The following SLC44A5 variants were observed in gnomAD, a reference collection of about 807,000 sequenced individuals.
The protein encoded by SLC44A5 is choline transporter-like protein 5.
In SLC44A5, 57 loss-of-function variants were observed where a neutral mutation model predicts 101.8. The ratio of observed to expected loss-of-function variants is 0.56; its 90% CI spans 0.45 to 0.70. The LOEUF (loss-of-function observed/expected upper bound fraction) is 0.70, where lower values mean the gene tolerates loss of function less well. Among genes scored for constraint, SLC44A5 ranks in the 30% least tolerant of loss-of-function variants. SLC44A5 has a pLI of 0.00. For synonymous variants in SLC44A5, 281 were observed against 290.9 expected, an observed-to-expected ratio of 0.97 and a Z score of 0.35; for missense variants, 737 against 853.1, an observed-to-expected ratio of 0.86 and a Z score of 1.70.
At chr1:75,706,061 A>T in the SLC44A5 span, among the ~76,000 whole-genome samples, 10 of 152,080 alleles carry the variant, frequency 6.6e-5, no homozygotes, top group African/African-American at 2.4e-4. Context: ...CTTGTACTTT[A>T]TTCAGGTTTA....
intron 2 of SLC44A5, among the ~76,000 whole-genome samples, chr1:75,414,937 T>C (rs1663540447): frequency 6.6e-6 from 1 of 152,060 alleles, no homozygotes; most frequent in African/African-American, 2.4e-5. Context: ...CATTGAAGAG[T>C]TCTAAGCATG....
chr1:75,676,407 A>G, the SLC44A5 span, among the ~76,000 whole-genome samples: 2 of 152,224 alleles, frequency 1.3e-5, no homozygotes, highest in African/African-American at 2.4e-5. Context: ...TTGCAGTGAC[A>G]TGGATGGAGC....
At chr1:75,388,595 G>A (rs956508811) in intron 3 of SLC44A5, among the ~76,000 whole-genome samples, 2 of 151,738 alleles carry the variant, frequency 1.3e-5, no homozygotes, top group Non-Finnish European at 2.9e-5. Context: ...CCTGGCTAAC[G>A]TGGTGAAACC....
intron 2 of SLC44A5, among the ~76,000 whole-genome samples, chr1:75,445,938 C>T (rs1665548386): frequency 6.6e-6 from 1 of 152,174 alleles, no homozygotes; most frequent in Admixed American, 6.6e-5. Flanking sequence ...ACTTAGCTTT[C>T]CCCTTGATTT....
At chr1:75,678,887 C>T in the SLC44A5 span, among the ~76,000 whole-genome samples, 1 of 152,060 alleles carries the variant, frequency 6.6e-6, no homozygotes, top group African/African-American at 2.4e-5. Flanking sequence ...GAATGTATAA[C>T]TAGAATAATC....
chr1:75,720,028 C>G, the SLC44A5 span, among the ~76,000 whole-genome samples: 1 of 152,326 alleles, frequency 6.6e-6, no homozygotes, highest in Non-Finnish European at 1.5e-5. Context: ...TCCCCTCTCT[C>G]TATTGTTTCT....
the SLC44A5 span, among the ~76,000 whole-genome samples, chr1:75,712,074 C>A: frequency 7.2e-5 from 11 of 152,208 alleles, no homozygotes; most frequent in Non-Finnish European, 1.5e-4. Flanking sequence ...TATAAGCATT[C>A]TCTTTGTCTT....
At chr1:75,466,655 T>TAAAAAAA (rs754658767) in intron 2 of SLC44A5, among the ~76,000 whole-genome samples, 1 of 88,492 alleles carries the variant, frequency 1.1e-5, no homozygotes, top group Non-Finnish European at 2.2e-5. Flanking sequence ...GATGCCATCT[T>TAAAAAAA]AAAAAAAAAA....
At chr1:75,491,552 A>G (rs563147324) in intron 2 of SLC44A5, among the ~76,000 whole-genome samples, 5 of 152,330 alleles carry the variant, frequency 3.3e-5, no homozygotes, top group African/African-American at 9.6e-5. Context: ...GAGATAAAAT[A>G]TTGGATAAAA....
chr1:75,659,782 C>T, the SLC44A5 span, among the ~76,000 whole-genome samples: 7 of 151,772 alleles, frequency 4.6e-5, no homozygotes, highest in African/African-American at 1.5e-4. Context: ...AAGAAAACTA[C>T]AGACCAATAA....
intron 2 of SLC44A5, among the ~76,000 whole-genome samples, 193 bp downstream of exon 2, chr1:75,541,242 C>G (rs1359253504): frequency 1.3e-5 from 2 of 152,150 alleles, no homozygotes; most frequent in African/African-American, 4.8e-5. Context: ...AGACGTCATG[C>G]GTCTCAGAAT....
chr1:75,459,396 CT>C (rs1277274324), intron 2 of SLC44A5, among the ~76,000 whole-genome samples: 1 of 152,138 alleles, frequency 6.6e-6, no homozygotes, highest in African/African-American at 2.4e-5. Context: ...ATGTACATAG[CT>C]ATGTAGCCAC....
chr1:75,223,285 T>C (rs1647127469), intron 13 of SLC44A5, among the ~76,000 whole-genome samples: 1 of 152,184 alleles, frequency 6.6e-6, no homozygotes, highest in African/African-American at 2.4e-5. Context: ...ATCCTTACAG[T>C]AAATACCATC....
chr1:75,326,014 G>T (rs1359877602), intron 4 of SLC44A5, among the ~76,000 whole-genome samples: 1 of 150,902 alleles, frequency 6.6e-6, no homozygotes, highest in East Asian at 2.0e-4. Flanking sequence ...TACTTGTGAT[G>T]TCATGTCAGT....
chr1:75,416,350 G>A (rs1557763064), intron 2 of SLC44A5, among the ~76,000 whole-genome samples: 1 of 152,198 alleles, frequency 6.6e-6, no homozygotes, highest in Non-Finnish European at 1.5e-5. Flanking sequence ...GCCTGCCAGT[G>A]CACAGAAGTC....
intron 6 of SLC44A5, among the ~76,000 whole-genome samples, chr1:75,251,752 T>C (rs1253895976): frequency 6.6e-6 from 1 of 152,232 alleles, no homozygotes; most frequent in South Asian, 2.1e-4. Flanking sequence ...TGTGCTTTTA[T>C]GGATTTCATA....
intron 5 of SLC44A5, among the ~76,000 whole-genome samples, chr1:75,291,501 A>G (rs1348887543): frequency 6.6e-6 from 1 of 152,186 alleles, no homozygotes; most frequent in Admixed American, 6.5e-5. Context: ...ACGTGCTACA[A>G]AGGAATCATG....
At position 75,516,432 on chromosome 1, in the gene SLC44A5, GCGTGAA is replaced by G. The variant is rs894171408; in HGVS notation, c.13+24997_13+25002del. 7.6e-4 allele frequency among the ~76,000 whole-genome samples: 116 copies of G among 152,194 alleles called. 1 individual carries two copies. Among genetic ancestry groups the G allele is most frequent in the African/African-American group, 2.6e-3 (107 of 41,504 alleles). ...CTCAGGAGGCTGAGGCAGGAGAATG[GCGTGAA>G]CCTGGGAGGCGGAGCTTGCAGTGAG... is the stretch of plus-strand genomic sequence containing the variant. On this transcript the variant is annotated intron_variant, in intron 2 of 23. Coordinates refer to ENST00000370859, the MANE Select transcript of SLC44A5 (RefSeq NM_001130058.2).
chr1:75,428,921 T>G (rs1664460130), intron 2 of SLC44A5, among the ~76,000 whole-genome samples: 1 of 152,216 alleles, frequency 6.6e-6, no homozygotes, highest in Admixed American at 6.5e-5. Flanking sequence ...AGTTTTTTTG[T>G]CTTTCCACAA....
Sources: allele counts gnomAD v4.1 joint callset (sites outside exome capture counted in the v4.1 genomes callset), GRCh38; gene constraint gnomAD v4.1.1; transcripts MANE v1.5; gene names NCBI Gene and HGNC (gene_info 2026-07-23, HGNC 2026-07-21).